CAMKMT: variants seen among roughly 807,000 people sequenced by gnomAD.
CAMKMT encodes the protein CaM KMT.
A neutral mutation model predicts 48.0 loss-of-function variants in CAMKMT; 53 were observed. The observed-to-expected ratio is 1.10, with a 90% confidence interval of 0.89 to 1.39. The LOEUF (loss-of-function observed/expected upper bound fraction) is 1.39. CAMKMT is among the 40% of genes most tolerant of loss of function. CAMKMT has a pLI of 0.00. For missense variants in CAMKMT, 428 were observed against 402.7 expected, an observed-to-expected ratio of 1.06 and a Z score of -0.54; for synonymous variants, 165 against 152.3, an observed-to-expected ratio of 1.08 and a Z score of -0.61.
At chr2:44,768,685 G>A (rs1680969000) in intron 10 of CAMKMT, among the ~76,000 whole-genome samples, 1 of 152,188 alleles carries the variant, frequency 6.6e-6, no homozygotes, top group African/African-American at 2.4e-5. Flanking sequence ...GGGGCTCCGG[G>A]ACGCGGCCGC....
chr2:44,725,515 G>A (rs1678732090), intron 7 of CAMKMT, among the ~76,000 whole-genome samples: 1 of 152,184 alleles, frequency 6.6e-6, no homozygotes, highest in African/African-American at 2.4e-5. Flanking sequence ...ACCATGCTAT[G>A]TGAGTATAAA....
intron 3 of CAMKMT, among the ~76,000 whole-genome samples, chr2:44,571,507 T>C (rs1034131362): frequency 2.0e-5 from 3 of 152,214 alleles, no homozygotes; most frequent in Non-Finnish European, 4.4e-5. Flanking sequence ...TTTAAATTAA[T>C]GTAATATTGA....
intron 3 of CAMKMT, among the ~76,000 whole-genome samples, chr2:44,648,090 A>G (rs541950846): frequency 3.3e-5 from 5 of 152,288 alleles, no homozygotes; most frequent in African/African-American, 1.2e-4. Context: ...GGTCAATCTT[A>G]TATGTATTGA....
intron 3 of CAMKMT, among the ~76,000 whole-genome samples, chr2:44,666,439 C>A (rs34766907): frequency 6.6e-6 from 1 of 151,782 alleles, no homozygotes; most frequent in African/African-American, 2.4e-5. Context: ...CCCCAGAATG[C>A]GATAAGCAGC....
intron 3 of CAMKMT, among the ~76,000 whole-genome samples, chr2:44,638,011 G>T (rs537709889): frequency 6.8e-6 from 1 of 146,780 alleles, no homozygotes; most frequent in African/African-American, 2.5e-5. Context: ...GTTGCAGTGA[G>T]CCGAGATCAT....
At chr2:44,754,848 A>AC (rs1359922650) in intron 9 of CAMKMT, among the ~76,000 whole-genome samples, 1 of 150,302 alleles carries the variant, frequency 6.7e-6, no homozygotes, top group African/African-American at 2.5e-5. Context: ...AAGCTCATGC[A>AC]TTAAAAAAAA....
At chr2:44,595,301 G>T (rs1320069141) in intron 3 of CAMKMT, among the ~76,000 whole-genome samples, 2 of 152,124 alleles carry the variant, frequency 1.3e-5, no homozygotes, top group East Asian at 3.9e-4. Flanking sequence ...CCCGTTACTG[G>T]GTATATACCC....
intron 1 of CAMKMT, among the ~76,000 whole-genome samples, chr2:44,364,893 A>G (rs1678428777): frequency 6.6e-6 from 1 of 152,184 alleles, no homozygotes; most frequent in Non-Finnish European, 1.5e-5. Flanking sequence ...ACACATTTTA[A>G]ACCCCTGCTC....
chr2:44,479,512 G>C (rs915615967), intron 3 of CAMKMT, among the ~76,000 whole-genome samples: 30 of 152,180 alleles, frequency 2.0e-4, no homozygotes, highest in African/African-American at 7.2e-4. Context: ...AGGTAAATCT[G>C]TAGCAAAAGT....
intron 3 of CAMKMT, among the ~76,000 whole-genome samples, chr2:44,663,579 A>T (rs1674795641): frequency 6.6e-6 from 1 of 152,148 alleles, no homozygotes; most frequent in Non-Finnish European, 1.5e-5. Context: ...GCATTCAGTG[A>T]GCCTTTCTTC....
chr2:44,559,865 G>A (rs1668231630), intron 3 of CAMKMT, among the ~76,000 whole-genome samples: 1 of 152,010 alleles, frequency 6.6e-6, no homozygotes, highest in South Asian at 2.1e-4. Flanking sequence ...CTAATTTTTT[G>A]TTTAAGATAA....
At chr2:44,389,970 A>T (rs954443817) in intron 2 of CAMKMT, among the ~76,000 whole-genome samples, 1 of 152,226 alleles carries the variant, frequency 6.6e-6, no homozygotes, top group East Asian at 1.9e-4. Context: ...TTCCCTTTAC[A>T]TAATGAAAAC....
At chr2:44,748,997 A>T (rs542103004) in intron 8 of CAMKMT, among the ~76,000 whole-genome samples, 1 of 152,310 alleles carries the variant, frequency 6.6e-6, no homozygotes, top group African/African-American at 2.4e-5. Context: ...TAATTTACAT[A>T]CATTCTGTGC....
intron 3 of CAMKMT, among the ~76,000 whole-genome samples, chr2:44,686,392 CAAAAAAA>C (rs35238467): frequency 8.8e-6 from 1 of 113,270 alleles, no homozygotes; most frequent in African/African-American, 3.2e-5. Context: ...GACTCTGCCT[CAAAAAAA>C]AAAAAAAACA....
intron 3 of CAMKMT, among the ~76,000 whole-genome samples, chr2:44,619,335 C>G (rs1672053213): frequency 6.6e-6 from 1 of 152,044 alleles, no homozygotes; most frequent in Non-Finnish European, 1.5e-5. Context: ...ATTTTAAATT[C>G]TCAAATTTAA....
chr2:44,445,381 C>G (rs1666920114), intron 3 of CAMKMT, among the ~76,000 whole-genome samples: 1 of 152,122 alleles, frequency 6.6e-6, no homozygotes, highest in Non-Finnish European at 1.5e-5. Flanking sequence ...GCCTGCTCCC[C>G]TCTTTCTAGA....
At chr2:44,635,942 A>G (rs1378253935) in intron 3 of CAMKMT, among the ~76,000 whole-genome samples, 2 of 152,352 alleles carry the variant, frequency 1.3e-5, no homozygotes, top group Admixed American at 6.5e-5. Context: ...AAACAATCCA[A>G]CTGGTTTCCT....
At chr2:44,541,201 A>G (rs547596802) in intron 3 of CAMKMT, among the ~76,000 whole-genome samples, 1 of 152,214 alleles carries the variant, frequency 6.6e-6, no homozygotes, top group Non-Finnish European at 1.5e-5. Context: ...TTGTTGTTTC[A>G]TATGAACTTT....
intron 3 of CAMKMT, among the ~76,000 whole-genome samples, chr2:44,588,332 G>A: frequency 1.2e-5 from 1 of 86,196 alleles, no homozygotes; most frequent in African/African-American, 4.5e-5. Flanking sequence ...CGCCCGGCCA[G>A]CCGCCCCGTC....
Sources: gnomAD v4.1 joint callset for allele counts (sites outside exome capture counted in the v4.1 genomes callset) on GRCh38, gnomAD v4.1.1 for gene constraint, MANE v1.5 for transcripts, NCBI Gene and HGNC (gene_info 2026-07-23, HGNC 2026-07-21) for gene names.